Variants in CSMD2 observed in about 807,000 individuals in gnomAD.
CSMD2 encodes CUB and Sushi multiple domains 2.
Under a neutral mutation model 398.5 loss-of-function variants are expected in CSMD2, and 130 were observed. That is an observed-to-expected ratio of 0.33 (90% CI 0.28 to 0.38). The LOEUF (loss-of-function observed/expected upper bound fraction) is 0.38. Among genes scored for constraint, CSMD2 ranks in the 10% least tolerant of loss-of-function variants. The pLI is 1.00. For synonymous variants in CSMD2, 1,828 were observed against 1,908.5 expected, an observed-to-expected ratio of 0.96 and a Z score of 1.10; for missense variants, 3,829 against 4,764.9, an observed-to-expected ratio of 0.80 and a Z score of 5.78.
rs760607537 is a variant in CSMD2, at chr1:33,559,402, C to A, written c.8452G>T (p.Val2818Leu). 1 of 1,536,188 alleles carries A rather than the reference C, an allele frequency of 6.5e-7. No homozygotes were observed. The highest frequency in any genetic ancestry group is 1.2e-5 in the South Asian group (1 of 84,066). ...CCAGGGTTGCAAACAAACTTGACCA[C>A]ATCGTTGAGGTTAAACTGGTTACCC... ...TQGNQFNLND[V>L]VKFVCNPGYM... Residue 2818 changes from valine to leucine, a missense_variant, in exon 54 of 71, where the codon GTG becomes TTG. This residue lies in a region of CSMD2 where 917 missense variants were observed against 1,199.5 expected (regional missense o/e 0.76). Transcript: ENST00000373381. The surrounding 1 kb of genome is among the most constrained non-coding windows in gnomAD (Gnocchi z 4.0).
intron 2 of CSMD2, among the ~76,000 whole-genome samples, chr1:34,038,634 C>T (rs1378553766): frequency 2.0e-5 from 3 of 152,202 alleles, no homozygotes; most frequent in African/African-American, 7.2e-5. Flanking sequence ...ACGAGGTTCA[C>T]AAATCCTGCA....
At position 34,006,604 on chromosome 1, in the gene CSMD2, T is replaced by C. The variant is rs1156649640; in HGVS notation, c.517+25990A>G. Among the ~76,000 whole-genome samples the C allele has an allele frequency of 2.8e-4, 42 of 152,210 alleles. 1 individual carries two copies. Among genetic ancestry groups the C allele is most frequent in the Admixed American group, 2.7e-3 (42 of 15,286 alleles). The stretch of plus-strand genomic sequence containing the variant: ...TTGCAATTGCTGGTTGACAGGTTTG[T>C]CTGTCTTACTTGTGAGCTCCTACAA... On this transcript the variant is annotated intron_variant, in intron 3 of 70. Transcript: ENST00000373381.
chr1:34,110,100 A>G (rs1244347715), intron 1 of CSMD2, among the ~76,000 whole-genome samples: 3 of 151,898 alleles, frequency 2.0e-5, no homozygotes, highest in African/African-American at 7.2e-5. Flanking sequence ...AAAAAGCTCA[A>G]TATCATTGAT....
intron 1 of CSMD2, among the ~76,000 whole-genome samples, chr1:34,089,757 C>A (rs977320015): frequency 5.3e-5 from 8 of 152,124 alleles, no homozygotes; most frequent in African/African-American, 1.2e-4. Context: ...CTTCCCTACT[C>A]TTCAAGAACA....
At chr1:33,625,908 A>T (rs1424283080) in intron 33 of CSMD2, among the ~76,000 whole-genome samples, 1 of 152,200 alleles carries the variant, frequency 6.6e-6, no homozygotes. Context: ...TTCTGGGCCA[A>T]TAAGGAAGGG....
intron 12 of CSMD2, among the ~76,000 whole-genome samples, chr1:33,782,347 G>A (rs1286722712): frequency 6.6e-6 from 1 of 152,168 alleles, no homozygotes; most frequent in Non-Finnish European, 1.5e-5. Context: ...AGCAGAGAAG[G>A]GAGTAAGCTT....
intron 2 of CSMD2, among the ~76,000 whole-genome samples, chr1:34,071,995 G>C (rs1655781656): frequency 6.6e-6 from 1 of 152,232 alleles, no homozygotes; most frequent in African/African-American, 2.4e-5. Flanking sequence ...GCCCTGAGAA[G>C]GAATAGGACT....
At position 33,743,414 on chromosome 1, in the gene CSMD2, G is replaced by C. The variant is rs771889024; in HGVS notation, c.2039C>G (p.Ala680Gly). The C allele has an allele frequency of 3.7e-6, 6 of 1,614,196 alleles. No homozygotes were observed. The highest frequency in any genetic ancestry group is 5.1e-6 in the Non-Finnish European group (6 of 1,180,032). Residue 680 changes from alanine (A) to glycine (G), a missense_variant, in exon 14 of 71, where the codon GCC (alanine) becomes GGC (glycine). Around this residue, in one of 5 missense-constraint regions of CSMD2, gnomAD observed 2,001 missense variants for 2,567.1 expected, o/e 0.78. Transcript: ENST00000373381. ...GAAGGTGCCCAGGACGGGCGCCTCGGCGGTGGCCCCATCCTTGATGACCAG... is the reference window on the plus strand; with the variant it reads ...GAAGGTGCCCAGGACGGGCGCCTCGCCGGTGGCCCCATCCTTGATGACCAG... Reference protein sequence around the residue: ...DFLVIKDGATAEAPVLGTFSG... With the variant: ...DFLVIKDGATGEAPVLGTFSG...
chr1:34,106,949 T>G (rs1173082444), intron 1 of CSMD2, among the ~76,000 whole-genome samples: 1 of 152,248 alleles, frequency 6.6e-6, no homozygotes, highest in Non-Finnish European at 1.5e-5. Flanking sequence ...CAGTTCATTT[T>G]CCATCATCCT....
At chr1:33,517,905 A>T (rs949639862) in intron 70 of CSMD2, among the ~76,000 whole-genome samples, 1 of 152,366 alleles carries the variant, frequency 6.6e-6, no homozygotes, top group Middle Eastern at 3.4e-3. Flanking sequence ...CTCCGCAGGA[A>T]CTGTCCCCAC....
chr1:33,586,121 A>G (rs1176557692), intron 46 of CSMD2, among the ~76,000 whole-genome samples: 1 of 152,200 alleles, frequency 6.6e-6, no homozygotes, highest in Non-Finnish European at 1.5e-5. Flanking sequence ...GGCACACAGC[A>G]CCTTGAGTGC....
chr1:33,812,219 C>T (rs1025621215), intron 9 of CSMD2, among the ~76,000 whole-genome samples: 2 of 152,132 alleles, frequency 1.3e-5, no homozygotes, highest in Non-Finnish European at 2.9e-5. Flanking sequence ...TCTGAAGGGC[C>T]ACAGCAAGTG....
chr1:34,160,455 T>A (rs1641228289), intron 1 of CSMD2, among the ~76,000 whole-genome samples: 1 of 152,142 alleles, frequency 6.6e-6, no homozygotes, highest in South Asian at 2.1e-4. Flanking sequence ...AACCAAACGG[T>A]GATACTTAGT....
At chr1:33,569,334 G>T in intron 52 of CSMD2, 40 bp downstream of exon 52, 2 of 1,578,064 alleles carry the variant, frequency 1.3e-6, no homozygotes, top group Non-Finnish European at 8.6e-7. Context: ...CTATCTCAAG[G>T]AGAAAAACTG....
intron 3 of CSMD2, among the ~76,000 whole-genome samples, chr1:33,988,831 C>A (rs911873289): frequency 6.6e-6 from 1 of 151,726 alleles, no homozygotes; most frequent in South Asian, 2.1e-4. Context: ...GATGCTAGAA[C>A]AACTGAATAT....
At chr1:34,105,113 T>A (rs893059092) in intron 1 of CSMD2, among the ~76,000 whole-genome samples, 37 of 152,358 alleles carry the variant, frequency 2.4e-4, no homozygotes, top group African/African-American at 8.7e-4. Flanking sequence ...CACAGATGTT[T>A]TTAATGAAGA....
At position 34,117,660 on chromosome 1, in the gene CSMD2, AAAAC is replaced by A. The variant is rs140565170; in HGVS notation, c.188-28471_188-28468del. Among the ~76,000 whole-genome samples, 6 of 150,440 alleles carry A rather than the reference AAAAC, an allele frequency of 4.0e-5. 1 individual carries two copies. The highest frequency in any genetic ancestry group is 1.3e-4 in the African/African-American group (5 of 39,876). On this transcript the variant is annotated intron_variant, in intron 1 of 70. Coordinates refer to ENST00000373381, the MANE Select transcript of CSMD2 (RefSeq NM_001281956.2). ...ATCAAAGATACTACAAAAAAAAAAG[AAAAC>A]AAACAAACAAAAACTACAGACCAAT...
chr1:33,648,990 G>C (rs976190012), intron 28 of CSMD2, among the ~76,000 whole-genome samples: 2 of 152,312 alleles, frequency 1.3e-5, no homozygotes, highest in Admixed American at 1.3e-4. Context: ...GGTTACAAAA[G>C]TGTCTTGAAC....
chr1:33,763,376 A>C (rs889163374), intron 13 of CSMD2, among the ~76,000 whole-genome samples: 6 of 152,164 alleles, frequency 3.9e-5, no homozygotes, highest in Non-Finnish European at 7.4e-5. Flanking sequence ...CCTAGGCCCC[A>C]TTTTGGACCT....
Sources: gnomAD v4.1 joint callset for allele counts (sites outside exome capture counted in the v4.1 genomes callset) on GRCh38, gnomAD v4.1.1 for gene constraint, gnomAD v4.1.1 regional missense constraint, Gnocchi (gnomAD v3.1) non-coding constraint, MANE v1.5 for transcripts, NCBI Gene and HGNC (gene_info 2026-07-23, HGNC 2026-07-21) for gene names.